The following ZNF578 variants were observed in gnomAD, a reference collection of about 807,000 sequenced individuals.
ZNF578 encodes the protein zinc finger protein 578.
Under a neutral mutation model 8.3 loss-of-function variants are expected in ZNF578, and 8 were observed. The ratio of observed to expected loss-of-function variants is 0.96; its 90% confidence interval spans 0.56 to 1.74. The LOEUF is 1.74. Among genes scored for constraint, ZNF578 ranks in the 40% most tolerant of loss-of-function variants. ZNF578 has a pLI of 0.00. For synonymous variants in ZNF578, 206 were observed against 232.2 expected, an observed-to-expected ratio of 0.89 and a Z score of 1.03; for missense variants, 726 against 707.5, an observed-to-expected ratio of 1.03 and a Z score of -0.30.
rs1443101802 is a variant in ZNF578, at chr19:52,511,641, T to A, written c.1260T>A (p.Leu420=). The change falls in exon 6 of 6, where the codon CTT becomes CTA. Residue 420 remains leucine, a synonymous_variant. Coordinates refer to ENST00000421239, the MANE Select transcript of ZNF578 (RefSeq NM_001099694.2). ...QQSHLSRHHR[L]HTGEKPYKCN... is the part of the protein sequence containing the mutation. ...CACACCTTTCACGTCATCATAGACT[T>A]CATACTGGAGAGAAACCTTACAAGT... The A allele has an allele frequency of 6.2e-7, 1 of 1,613,968 alleles. No individual in the cohort carries two copies. The highest frequency in any genetic ancestry group is 1.3e-5 in the African/African-American group (1 of 74,920).
At chr19:52,476,107 TA>T (rs35835289) in intron 2 of ZNF578, among the ~76,000 whole-genome samples, 4,175 of 138,312 alleles carry the variant, frequency 0.03, 84 homozygotes, top group Non-Finnish European at 0.044. Context: ...AAGGGTATAG[TA>T]AAAAAAAAAA....
chr19:52,513,269 ACCTCAGCCT>A lies in ZNF578; in HGVS notation c.*1118_*1126del, dbSNP rs1318490491. On this transcript the variant is annotated 3_prime_UTR_variant, in exon 6 of 6. Transcript: ENST00000421239. ...ACTCCCGATCTCAGGTGATCCGCCC[ACCTCAGCCT>A]CCCAAAGTGATGAGATTACAGGCAT... is the stretch of plus-strand genomic sequence containing the variant. Among the ~76,000 whole-genome samples the A allele has an allele frequency of 1.4e-5, 2 of 143,632 alleles. No homozygotes were observed. Among genetic ancestry groups the A allele is most frequent in the Non-Finnish European group, 1.5e-5 (1 of 66,366 alleles). 94.2% of individuals were successfully genotyped at this position (143,632 alleles called of 152,430 possible).
intron 2 of ZNF578, chr19:52,474,323 G>A: frequency 3.4e-6 from 1 of 293,690 alleles, no homozygotes; most frequent in Non-Finnish European, 7.0e-6. Context: ...ACATTTGTAA[G>A]GCTTTTCTCT....
In ZNF578 at chr19:52,513,925, T is replaced by C. The variant is rs1462194200; in HGVS notation, c.*1771T>C. ...CTTTAGTTCCAGCTACTTGGGACAC[T>C]GAGGCATGAGAATCACTTAAACCTG... On this transcript the variant is annotated 3_prime_UTR_variant, in exon 6 of 6. Coordinates refer to ENST00000421239, the MANE Select transcript of ZNF578 (RefSeq NM_001099694.2). 6.6e-6 allele frequency among the ~76,000 whole-genome samples: 1 copy of C among 152,086 alleles called. No homozygotes were observed. The highest frequency in any genetic ancestry group is 1.5e-5 in the Non-Finnish European group (1 of 68,014).
intron 3 of ZNF578, among the ~76,000 whole-genome samples, chr19:52,495,274 C>T (rs1445175663): frequency 7.0e-6 from 1 of 143,626 alleles, no homozygotes; most frequent in East Asian, 1.9e-4. Context: ...AAGCGATTCT[C>T]CTGCGATACT....
intron 2 of ZNF578, among the ~76,000 whole-genome samples, chr19:52,468,839 C>A (rs138907171): frequency 1.3e-5 from 2 of 152,246 alleles, no homozygotes; most frequent in African/African-American, 4.8e-5. Context: ...CTTCTCCTGC[C>A]CTTGGACATC....
chr19:52,472,618 C>G (rs964053940), intron 2 of ZNF578, among the ~76,000 whole-genome samples: 11 of 152,080 alleles, frequency 7.2e-5, no homozygotes, highest in Non-Finnish European at 5.9e-5. Flanking sequence ...CATAAAAATC[C>G]TATTTTCCTA....
chr19:52,498,703 T>G (rs530462380), intron 3 of ZNF578, among the ~76,000 whole-genome samples: 1 of 127,494 alleles, frequency 7.8e-6, no homozygotes, highest in Non-Finnish European at 1.6e-5. Context: ...TTTTTTTTTG[T>G]AAGACAGAGT....
chr19:52,471,564 A>G (rs2059291861), intron 2 of ZNF578, among the ~76,000 whole-genome samples: 1 of 152,142 alleles, frequency 6.6e-6, no homozygotes, highest in Non-Finnish European at 1.5e-5. Context: ...AGTTCAAACC[A>G]CAAGTGGGTA....
intron 5 of ZNF578, among the ~76,000 whole-genome samples, chr19:52,505,606 A>G (rs1359356762): frequency 6.6e-6 from 1 of 151,602 alleles, no homozygotes; most frequent in African/African-American, 2.4e-5. Flanking sequence ...TTGTATTTTT[A>G]GTAGAGACGG....
At chr19:52,507,634 GT>G (rs1449725701) in intron 5 of ZNF578, among the ~76,000 whole-genome samples, 2 of 152,224 alleles carry the variant, frequency 1.3e-5, no homozygotes, top group Admixed American at 6.5e-5. Context: ...AGAGCAAGAT[GT>G]CAGCTAGATT....
chr19:52,458,482 A>ATATATATATATATATATATATATATATT (rs1386192380), intron 2 of ZNF578: 6 of 145,486 alleles, frequency 4.1e-5, no homozygotes, highest in African/African-American at 1.5e-4. Context: ...ATATATATAT[A>ATATATATATATATATATATATATATATT]TTTTGAAAAT....
At chr19:52,504,181 C>A (rs2059417381) in intron 4 of ZNF578, among the ~76,000 whole-genome samples, 1 of 149,918 alleles carries the variant, frequency 6.7e-6, no homozygotes, top group African/African-American at 2.4e-5. Context: ...GCCTCCATCT[C>A]CTGACTTCAA....
chr19:52,482,373 C>T (rs2059329740), intron 2 of ZNF578, among the ~76,000 whole-genome samples: 1 of 151,988 alleles, frequency 6.6e-6, no homozygotes, highest in Non-Finnish European at 1.5e-5. Flanking sequence ...CGCGGTGGCT[C>T]ACGCCAGTAA....
chr19:52,461,249 G>A (rs1568454613), intron 2 of ZNF578, among the ~76,000 whole-genome samples: 1 of 152,090 alleles, frequency 6.6e-6, no homozygotes, highest in African/African-American at 2.4e-5. Context: ...TATGTGAATG[G>A]GGATTTACGC....
intron 5 of ZNF578, among the ~76,000 whole-genome samples, chr19:52,507,696 G>A (rs919867913): frequency 1.3e-5 from 2 of 152,198 alleles, no homozygotes; most frequent in Admixed American, 1.3e-4. Flanking sequence ...TCTTCCTGCT[G>A]TGTCCTGACA....
intron 3 of ZNF578, among the ~76,000 whole-genome samples, chr19:52,491,730 A>C (rs2059365670): frequency 6.6e-6 from 1 of 152,172 alleles, no homozygotes; most frequent in Non-Finnish European, 1.5e-5. Context: ...AAATAAAAGA[A>C]AAAAGTAAAA....
chr19:52,461,643 A>C (rs2059258302), intron 2 of ZNF578, among the ~76,000 whole-genome samples: 1 of 152,208 alleles, frequency 6.6e-6, no homozygotes, highest in Non-Finnish European at 1.5e-5. Context: ...CAGTTTTGAC[A>C]TTTAATAATT....
At chr19:52,455,988 A>G (rs995135283) in intron 1 of ZNF578, 1 of 152,060 alleles carries the variant, frequency 6.6e-6, no homozygotes, top group Non-Finnish European at 1.5e-5. Flanking sequence ...GTAGCTACAC[A>G]GATCTCATTC....
Sources: allele counts gnomAD v4.1 joint callset (sites outside exome capture counted in the v4.1 genomes callset), GRCh38; gene constraint gnomAD v4.1.1; transcripts MANE v1.5; gene names NCBI Gene and HGNC (gene_info 2026-07-23, HGNC 2026-07-21).